The following THOC5 variants were observed in gnomAD, a reference collection of about 807,000 sequenced individuals.
THOC5 encodes Fms-interacting protein.
A neutral mutation model predicts 92.9 loss-of-function variants in THOC5; 43 were observed. That is an observed-to-expected ratio of 0.46 (90% confidence interval 0.36 to 0.60). The LOEUF is 0.60. Among genes scored for constraint, THOC5 ranks in the 20% least tolerant of loss-of-function variants. THOC5 has a pLI of 0.00. For missense variants in THOC5, 659 were observed against 849.4 expected, an observed-to-expected ratio of 0.78 and a Z score of 2.79; for synonymous variants, 296 against 320.1, an observed-to-expected ratio of 0.92 and a Z score of 0.80.
chr22:29,531,563 G>A (rs764451432), intron 8 of THOC5: 5 of 1,177,992 alleles, frequency 4.2e-6, no homozygotes, highest in African/African-American at 1.6e-5. Flanking sequence ...CAGACAGGCT[G>A]CCTGGGTTCT....
rs532945547 is a variant in THOC5, at chr22:29,525,346, T to C, written c.1175+492A>G. On this transcript the variant is annotated intron_variant, in intron 12 of 19. Coordinates refer to ENST00000490103, the MANE Select transcript of THOC5 (RefSeq NM_003678.5). ...CTGGGGATGCGATGATGGCTGTCATTACTGTGCCTCTGCTCACTCTTCTCA... is the reference window on the plus strand; with the variant it reads ...CTGGGGATGCGATGATGGCTGTCATCACTGTGCCTCTGCTCACTCTTCTCA... 2.1e-3 allele frequency among the ~76,000 whole-genome samples: 317 copies of C among 152,196 alleles called. 1 individual carries two copies. Among genetic ancestry groups the C allele is most frequent in the African/African-American group, 7.1e-3 (296 of 41,528 alleles).
At chr22:29,532,089 G>A (rs2063667395) in intron 7 of THOC5, 126 bp from the exon 8 acceptor site, 11 of 1,166,508 alleles carry the variant, frequency 9.4e-6, no homozygotes, top group Non-Finnish European at 1.3e-5. Flanking sequence ...AGAACTAATA[G>A]GTGGATAAAA....
At chr22:29,536,233 G>A (rs1776812569) in intron 7 of THOC5, 2 of 172,094 alleles carry the variant, frequency 1.2e-5, no homozygotes, top group East Asian at 3.3e-4. Flanking sequence ...TTTTCAGAGT[G>A]AGAAGATCTG....
intron 17 of THOC5, among the ~76,000 whole-genome samples, chr22:29,515,061 A>G (rs1229236575): frequency 6.6e-6 from 1 of 150,784 alleles, no homozygotes; most frequent in Non-Finnish European, 1.5e-5. Context: ...GTTTTTTTTG[A>G]AAGAGAGTCT....
intron 12 of THOC5, among the ~76,000 whole-genome samples, chr22:29,525,294 A>G (rs1354623315): frequency 6.6e-6 from 1 of 152,102 alleles, no homozygotes; most frequent in East Asian, 1.9e-4. Flanking sequence ...TAGAAATTAA[A>G]AAAAGAACAC....
At chr22:29,535,125 G>A (rs2063733273) in intron 7 of THOC5, 1 of 151,598 alleles carries the variant, frequency 6.6e-6, no homozygotes, top group Admixed American at 6.6e-5. Flanking sequence ...TTAGCCAGGT[G>A]TGGTGGTGGG....
At chr22:29,552,786 T>C (rs2064196432) in intron 1 of THOC5, among the ~76,000 whole-genome samples, 1 of 152,204 alleles carries the variant, frequency 6.6e-6, no homozygotes, top group African/African-American at 2.4e-5. Context: ...ATGGCGGTTT[T>C]GTCTAGTAGA....
In THOC5 at chr22:29,517,124, A is replaced by G. The variant is rs1425823854; in HGVS notation, c.1594-8T>C. ...TTTGGTGAAGTGCAGCTCCTAGAAGAGGTACCACAGACAAGAGGTGAACTG... is the reference window on the plus strand; with the variant it reads ...TTTGGTGAAGTGCAGCTCCTAGAAGGGGTACCACAGACAAGAGGTGAACTG... On this transcript the variant is annotated splice_polypyrimidine_tract_variant and splice_region_variant and intron_variant, in intron 16 of 19. Transcript: ENST00000490103. 3 of 1,613,974 alleles carry G rather than the reference A, an allele frequency of 1.9e-6. No homozygotes were observed.
chr22:29,512,207 C>T, intron 17 of THOC5, 71 bp from the exon 18 acceptor site: 2 of 1,195,700 alleles, frequency 1.7e-6, no homozygotes, highest in Non-Finnish European at 2.5e-6. Flanking sequence ...AGCCTCCCCA[C>T]TGCACCCCTG....
intron 7 of THOC5, among the ~76,000 whole-genome samples, chr22:29,532,686 TAAAC>T (rs1356162016): frequency 8.2e-6 from 1 of 121,864 alleles, no homozygotes; most frequent in Admixed American, 8.3e-5. Context: ...CAAAAAATAA[TAAAC>T]AAGCAGGCTG....
At chr22:29,510,495 G>A (rs2063203343) in intron 19 of THOC5, among the ~76,000 whole-genome samples, 2 of 152,174 alleles carry the variant, frequency 1.3e-5, no homozygotes, top group Admixed American at 1.3e-4. Context: ...CTACTAGGGA[G>A]GCTGAGGCGG....
At chr22:29,515,971 A>C (rs2063325423) in intron 17 of THOC5, among the ~76,000 whole-genome samples, 1 of 152,160 alleles carries the variant, frequency 6.6e-6, no homozygotes, top group Non-Finnish European at 1.5e-5. Flanking sequence ...CTACAAAAAA[A>C]CAAAAACAAA....
intron 9 of THOC5, 96 bp from the exon 10 acceptor site, chr22:29,528,562 T>A: frequency 8.2e-7 from 1 of 1,214,714 alleles, no homozygotes; most frequent in Non-Finnish European, 1.2e-6. Flanking sequence ...CCTGACTCTG[T>A]CTTTTGTAAA....
Position 29,520,016 on chromosome 22 carries a change from G to C in THOC5, c.1366C>G (p.Gln456Glu). Residue 456 changes from glutamine to glutamate, a missense_variant, in exon 14 of 20, where the codon CAG becomes GAG. Coordinates refer to ENST00000490103, the MANE Select transcript of THOC5 (RefSeq NM_003678.5). ...GAGATCAGTGTACAGACCTGGGGCT[G>C]CTCTTTGGGGAAGTGGAGGCCACCC... The part of the protein sequence containing the change: ...KLGGLHFPKE[Q>E]PQQTVIADHS... The C allele has an allele frequency of 6.2e-7, 1 of 1,613,472 alleles. No homozygotes were observed. Among genetic ancestry groups the C allele is most frequent in the Non-Finnish European group, 8.5e-7 (1 of 1,179,730 alleles).
At position 29,517,391 on chromosome 22, in the gene THOC5, G is replaced by A. The variant is rs117052421; in HGVS notation, c.1490-25C>T. 404 of 1,602,564 alleles carry A rather than the reference G, an allele frequency of 2.5e-4. 2 individuals are homozygous for A. The East Asian group carries it at 5.3e-3, about 21-fold the overall frequency. On this transcript the variant is annotated intron_variant, in intron 15 of 19. Coordinates refer to ENST00000490103, the MANE Select transcript of THOC5 (RefSeq NM_003678.5). The stretch of plus-strand genomic sequence containing the variant: ...TCTAAAAGAGAACAAGACAGATGAC[G>A]TCACAGGTAGAAATCAGGTGCCACA...
Position 29,536,738 on chromosome 22 carries a change from C to T in THOC5, c.600G>A (p.Arg200=), listed in dbSNP as rs747986003. ...GGCACTCTCGGTACTTCTCTGCCAG[C>T]CTGTTGGGGGAGGAAAGAGCATTGT... is the stretch of plus-strand genomic sequence containing the variant. ...RLDWELEQRK[R]LAEKYRECLS... The change falls in exon 7 of 20, where the codon AGG becomes AGA. Residue 200 remains arginine (R), a splice_region_variant and synonymous_variant. Coordinates refer to ENST00000490103, the MANE Select transcript of THOC5 (RefSeq NM_003678.5). The T allele has an allele frequency of 1.3e-6, 2 of 1,579,070 alleles. No homozygotes were observed. The highest frequency in any genetic ancestry group is 4.5e-5 in the East Asian group (2 of 44,694).
At chr22:29,549,260 A>G in intron 1 of THOC5, 102 bp from the exon 2 acceptor site, 1 of 963,792 alleles carries the variant, frequency 1.0e-6, no homozygotes, top group South Asian at 1.4e-5. Context: ...AAGGAAAGTC[A>G]TTTAACCCCT....
At chr22:29,521,232 G>A (rs954455104) in intron 12 of THOC5, 133 bp from the exon 13 acceptor site, 3 of 678,960 alleles carry the variant, frequency 4.4e-6, no homozygotes, top group African/African-American at 1.8e-5. Flanking sequence ...GCTTTCTGTG[G>A]GCCAGACCGT....
chr22:29,516,970 GTGTT>G, intron 17 of THOC5, 55 bp downstream of exon 17: 1 of 1,547,268 alleles, frequency 6.5e-7, no homozygotes, highest in Non-Finnish European at 8.9e-7. Flanking sequence ...GCCCCGGAGA[GTGTT>G]TGATTCTTGG....
Sources: gnomAD v4.1 joint callset for allele counts (sites outside exome capture counted in the v4.1 genomes callset) on GRCh38, gnomAD v4.1.1 for gene constraint, MANE v1.5 for transcripts, NCBI Gene and HGNC (gene_info 2026-07-23, HGNC 2026-07-21) for gene names.